Variants in PSMD1 observed in about 807,000 individuals in gnomAD.
PSMD1 encodes 26S proteasome non-ATPase regulatory subunit 1.
PSMD1 carries 18 observed loss-of-function variants against 119.0 expected under a neutral mutation model. That is an observed-to-expected ratio of 0.15 (90% CI 0.10 to 0.22). The LOEUF (loss-of-function observed/expected upper bound fraction) is 0.22, where lower values mean the gene tolerates loss of function less well. PSMD1 is among the 10% of genes least tolerant of loss of function. PSMD1 has a pLI of 1.00. For synonymous variants in PSMD1, 374 were observed against 396.6 expected, an observed-to-expected ratio of 0.94 and a Z score of 0.68; for missense variants, 702 against 1,158.5, an observed-to-expected ratio of 0.61 and a Z score of 5.72.
chr2:231,157,588 G>C (rs553995633), intron 19 of PSMD1, among the ~76,000 whole-genome samples: 24 of 149,620 alleles, frequency 1.6e-4, no homozygotes, highest in African/African-American at 4.7e-4. Flanking sequence ...CTTTTTTTTG[G>C]GGGGGGCCAA....
At chr2:231,080,038 A>G (rs1694268984) in intron 11 of PSMD1, 103 bp from the exon 12 acceptor site, 2 of 1,052,690 alleles carry the variant, frequency 1.9e-6, no homozygotes, top group Admixed American at 2.9e-5. Flanking sequence ...CTTCTCTCTT[A>G]GCAAGTGAAC....
intron 7 of PSMD1, among the ~76,000 whole-genome samples, chr2:231,074,867 T>A (rs978569535): frequency 3.3e-5 from 5 of 152,164 alleles, no homozygotes; most frequent in Non-Finnish European, 7.4e-5. Context: ...CTTTCTCCAT[T>A]GCCCAGGCTA....
intron 16 of PSMD1, among the ~76,000 whole-genome samples, chr2:231,088,858 A>G (rs915538691): frequency 1.1e-4 from 16 of 152,254 alleles, no homozygotes; most frequent in Admixed American, 1.0e-3. Context: ...TCGAAAGCCA[A>G]GATAGACCAA....
intron 16 of PSMD1, among the ~76,000 whole-genome samples, chr2:231,130,421 TCCTGTGA>T (rs1489807934): frequency 6.6e-6 from 1 of 152,214 alleles, no homozygotes; most frequent in Non-Finnish European, 1.5e-5. Flanking sequence ...CCAGTGTTTT[TCCTGTGA>T]CTTGACCATT....
chr2:231,094,718 T>A (rs747882172), intron 16 of PSMD1, among the ~76,000 whole-genome samples: 7 of 151,974 alleles, frequency 4.6e-5, no homozygotes, highest in Non-Finnish European at 8.8e-5. Flanking sequence ...TATGGGGGAG[T>A]GAACTACTTT....
intron 16 of PSMD1, among the ~76,000 whole-genome samples, chr2:231,101,241 T>C (rs1694859877): frequency 6.6e-6 from 1 of 152,156 alleles, no homozygotes. Flanking sequence ...AATAAACAAA[T>C]TTATCTAGAT....
rs930208608 is a variant in PSMD1 at position 231,056,964 on chromosome 2, T to C, written c.-62T>C. The C allele has an allele frequency of 2.6e-6, 4 of 1,538,818 alleles. No homozygotes were observed. The African/African-American group carries it at 4.2e-5, about 16-fold the overall frequency. ...GCGGTGAACTGAGCGGCCCCTGAGCTGACAGATACACTGCGCAGCTGGAAC... is the reference window on the plus strand; with the variant it reads ...GCGGTGAACTGAGCGGCCCCTGAGCCGACAGATACACTGCGCAGCTGGAAC... On this transcript the variant is annotated 5_prime_UTR_variant, in exon 1 of 25. Coordinates refer to ENST00000308696, the MANE Select transcript of PSMD1 (RefSeq NM_002807.4).
At chr2:231,143,482 C>G (rs990837670) in intron 17 of PSMD1, among the ~76,000 whole-genome samples, 1 of 152,214 alleles carries the variant, frequency 6.6e-6, no homozygotes, top group African/African-American at 2.4e-5. Context: ...CCTGCCTCGG[C>G]CTCCCAAAGT....
In PSMD1 at chr2:231,076,416, C is replaced by T. The variant is rs145146247; in HGVS notation, c.943-618C>T. On this transcript the variant is annotated intron_variant, in intron 8 of 24. Coordinates refer to ENST00000308696, the MANE Select transcript of PSMD1 (RefSeq NM_002807.4). ...GCACTGTGGTTCATGCATGTAATCC[C>T]AGCACTTTGGGAGGCCAAGGTGGGT... Among the ~76,000 whole-genome samples the T allele has an allele frequency of 4.8e-3, 733 of 152,276 alleles. 9 individuals carry two copies. The highest frequency in any genetic ancestry group is 0.017 in the African/African-American group (699 of 41,546).
chr2:231,066,154 T>A (rs552334811), intron 4 of PSMD1, among the ~76,000 whole-genome samples: 2 of 152,372 alleles, frequency 1.3e-5, no homozygotes, highest in East Asian at 3.9e-4. Flanking sequence ...CACCTAAAGA[T>A]GTGTTTTCCA....
At chr2:231,120,585 C>G (rs1183691462) in intron 16 of PSMD1, among the ~76,000 whole-genome samples, 3 of 152,134 alleles carry the variant, frequency 2.0e-5, no homozygotes, top group Non-Finnish European at 4.4e-5. Flanking sequence ...AATATGAATT[C>G]AAACCGTATA....
At chr2:231,088,991 T>C (rs1694520564) in intron 16 of PSMD1, among the ~76,000 whole-genome samples, 1 of 152,218 alleles carries the variant, frequency 6.6e-6, no homozygotes, top group South Asian at 2.1e-4. Flanking sequence ...GCCTTATTGC[T>C]GATAAGGAAA....
In PSMD1 at chr2:231,073,315, C is replaced by G. The variant is rs570769255; in HGVS notation, c.881+900C>G. 7.0e-4 allele frequency among the ~76,000 whole-genome samples: 106 copies of G among 152,216 alleles called. 1 individual carries two copies. Among genetic ancestry groups the G allele is most frequent in the Non-Finnish European group, 1.4e-3 (92 of 67,994 alleles). ...GGATAACTAAAATGTAACACAAGGA[C>G]AAAGTGATCACATACTATTGGAGAA... On this transcript the variant is annotated intron_variant, in intron 7 of 24. Coordinates refer to ENST00000308696, the MANE Select transcript of PSMD1 (RefSeq NM_002807.4).
intron 16 of PSMD1, among the ~76,000 whole-genome samples, chr2:231,112,722 C>T (rs188708954): frequency 1.9e-4 from 29 of 152,280 alleles, no homozygotes; most frequent in Admixed American, 2.6e-4. Context: ...GAATGATTTA[C>T]GCATACTTCA....
At chr2:231,167,337 C>T (rs1436566964) in intron 23 of PSMD1, among the ~76,000 whole-genome samples, 8 of 152,072 alleles carry the variant, frequency 5.3e-5, no homozygotes, top group South Asian at 2.1e-4. Flanking sequence ...ACTCTAAGCA[C>T]GTGAAATAAC....
At chr2:231,132,994 G>A (rs564317162) in intron 16 of PSMD1, among the ~76,000 whole-genome samples, 1 of 152,284 alleles carries the variant, frequency 6.6e-6, no homozygotes, top group South Asian at 2.1e-4. Context: ...GAAGCAACTT[G>A]GAGAGGGATG....
At chr2:231,076,075 G>T (rs116564468) in intron 8 of PSMD1, among the ~76,000 whole-genome samples, 259 of 152,204 alleles carry the variant, frequency 1.7e-3, no homozygotes, top group Middle Eastern at 3.4e-3. Context: ...TTGATCCGAA[G>T]AAAACATTTA....
Position 231,170,610 on chromosome 2 carries a change from C to T in PSMD1, c.2760C>T (p.Asp920=). 1.2e-6 allele frequency: 2 copies of T among 1,613,996 alleles called. No homozygotes were observed. Among genetic ancestry groups the T allele is most frequent in the Non-Finnish European group, 1.7e-6 (2 of 1,179,974 alleles). The change falls in exon 24 of 25, where the codon GAC becomes GAT. Residue 920 remains aspartate, a synonymous_variant. Coordinates refer to ENST00000308696, the MANE Select transcript of PSMD1 (RefSeq NM_002807.4). This position sits in a 1 kb window ranked among gnomAD's most constrained non-coding sequence, Gnocchi z 4.1. The stretch of plus-strand genomic sequence containing the variant: ...TCATTCTGAAGGATACCAGTGAAGA[C>T]ATTGAGGAGCTGGTGGAACCTGTGG... ...GIIILKDTSE[D]IEELVEPVAA... is the part of the protein sequence containing the mutation.
chr2:231,079,420 A>G (rs1694253879), intron 10 of PSMD1, 116 bp from the exon 11 acceptor site: 1 of 539,998 alleles, frequency 1.9e-6, no homozygotes, highest in Non-Finnish European at 3.2e-6. Flanking sequence ...TGAGATCCAC[A>G]AAGTAATTTG....
Sources: gnomAD v4.1 joint callset for allele counts (sites outside exome capture counted in the v4.1 genomes callset) on GRCh38, gnomAD v4.1.1 for gene constraint, Gnocchi (gnomAD v3.1) non-coding constraint, MANE v1.5 for transcripts, NCBI Gene and HGNC (gene_info 2026-07-23, HGNC 2026-07-21) for gene names.